AVEN: variants seen among roughly 807,000 people sequenced by gnomAD.
AVEN encodes the protein apoptosis and caspase activation inhibitor, also known as cell death regulator Aven.
A neutral mutation model predicts 38.1 loss-of-function variants in AVEN; 41 were observed. The ratio of observed to expected loss-of-function variants is 1.08; its 90% CI spans 0.84 to 1.40. The LOEUF is 1.40. AVEN is among the 40% of genes most tolerant of loss of function. The pLI, the probability that AVEN is intolerant of heterozygous loss-of-function variation, is 0.00. For synonymous variants in AVEN, 206 were observed against 171.8 expected (o/e 1.20, Z -1.56); for missense variants, 605 against 438.8 (o/e 1.38, Z -3.38).
intron 2 of AVEN, among the ~76,000 whole-genome samples, chr15:34,068,880 C>T (rs1343246069): frequency 2.7e-5 from 4 of 146,746 alleles, no homozygotes; most frequent in Non-Finnish European, 1.5e-5. Context: ...GGCGCAATCT[C>T]GGCTCACTGC....
intron 2 of AVEN, among the ~76,000 whole-genome samples, chr15:33,909,899 C>T (rs1892854179): frequency 6.6e-6 from 1 of 151,528 alleles, no homozygotes; most frequent in Non-Finnish European, 1.5e-5. Flanking sequence ...GAGGCCGAGG[C>T]GGGTGGATCA....
At chr15:34,062,565 A>AAC (rs1900372869) in intron 5 of AVEN, 3 of 677,284 alleles carry the variant, frequency 4.4e-6, no homozygotes, top group Non-Finnish European at 7.0e-6. Context: ...AAAAAAAAAA[A>AAC]AAAAAAAAAC....
intron 5 of AVEN, chr15:34,062,882 C>T (rs77491512): frequency 6.2e-7 from 1 of 1,614,214 alleles, no homozygotes; most frequent in African/African-American, 1.3e-5. Flanking sequence ...TGATCTCCTT[C>T]AAAGTCAACA....
chr15:33,934,265 G>A (rs1270227664), intron 2 of AVEN, among the ~76,000 whole-genome samples: 1 of 152,062 alleles, frequency 6.6e-6, no homozygotes, highest in Non-Finnish European at 1.5e-5. Flanking sequence ...GGAGGCTGAG[G>A]TGGGGGACTC....
Position 33,953,008 on chromosome 15 carries a change from G to A in AVEN, c.445+50024C>T, listed in dbSNP as rs188068439. On this transcript the variant is annotated intron_variant, in intron 2 of 5. Transcript: ENST00000306730. ...TTATACACCAATAACAGACAAGAGA[G>A]CCAAATCATGAGTGAACTCCCATTC... Among the ~76,000 whole-genome samples the A allele has an allele frequency of 3.1e-3, 466 of 152,212 alleles. 1 individual carries two copies. Among genetic ancestry groups the A allele is most frequent in the Admixed American group, 5.5e-3 (84 of 15,282 alleles).
chr15:33,889,470 A>G (rs1397480091), intron 2 of AVEN, among the ~76,000 whole-genome samples: 1 of 152,168 alleles, frequency 6.6e-6, no homozygotes, highest in Non-Finnish European at 1.5e-5. Context: ...TATTAGACTA[A>G]TTAGGACGTC....
intron 2 of AVEN, among the ~76,000 whole-genome samples, chr15:33,948,727 C>CA (rs1239137295): frequency 6.6e-6 from 1 of 152,144 alleles, no homozygotes; most frequent in Non-Finnish European, 1.5e-5. Context: ...GGCTGGAGTG[C>CA]AGTGGCACAA....
chr15:34,030,633 TG>T (rs1898743586), intron 1 of AVEN, among the ~76,000 whole-genome samples: 1 of 150,200 alleles, frequency 6.7e-6, no homozygotes, highest in Non-Finnish European at 1.5e-5. Context: ...CAGCCTGGTT[TG>T]GGGGGTTTTG....
chr15:33,855,016 A>G (rs985297597), downstream of AVEN: 138 of 1,201,820 alleles, frequency 1.1e-4, no homozygotes, highest in Non-Finnish European at 1.5e-4. Context: ...ATGTCTTGGT[A>G]TATAATGTAC....
intron 2 of AVEN, among the ~76,000 whole-genome samples, chr15:33,876,399 G>A (rs112825009): frequency 2.0e-4 from 30 of 151,904 alleles, no homozygotes; most frequent in African/African-American, 6.8e-4. Context: ...TAGTGAAACC[G>A]TGTCTCTACT....
At chr15:34,062,911 A>G (rs1309073991) in intron 5 of AVEN, 1 of 1,614,068 alleles carries the variant, frequency 6.2e-7, no homozygotes, top group Non-Finnish European at 8.5e-7. Flanking sequence ...AAGACAGTTA[A>G]CAACTATTAC....
chr15:34,064,317 AAAGTCAAC>A (rs780734594), intron 4 of AVEN: 223 of 1,609,278 alleles, frequency 1.4e-4, no homozygotes, highest in Non-Finnish European at 1.7e-4. Flanking sequence ...GCTACCCTGA[AAAGTCAAC>A]AACTCCTCTC....
intron 2 of AVEN, among the ~76,000 whole-genome samples, chr15:33,936,652 G>A (rs1012009826): frequency 6.6e-6 from 1 of 152,156 alleles, no homozygotes; most frequent in Non-Finnish European, 1.5e-5. Context: ...GTGTGTGCAT[G>A]AGTGATTTAA....
chr15:33,867,740 T>G lies in AVEN; in HGVS notation c.728A>C (p.Glu243Ala), dbSNP rs61729119. The change falls in exon 5 of 6, where the codon GAG becomes GCG. Residue 243 changes from glutamate to alanine, a missense_variant. Coordinates refer to ENST00000306730, the MANE Select transcript of AVEN (RefSeq NM_020371.3). ...GCAGCCAGCAGCCACAGATTTCAGC[T>G]CAAAGATGGGCCCCCTTCCTCCAGG... ...LGPGGRGPIFELKSVAAGCPV... is the reference protein window; with the variant it reads ...LGPGGRGPIFALKSVAAGCPV... 52,455 of 1,614,104 alleles carry G rather than the reference T, an allele frequency of 0.032. 1,064 individuals carry two copies. The highest frequency in any genetic ancestry group is 0.039 in the Non-Finnish European group (45,780 of 1,180,006).
At chr15:33,995,629 A>G (rs1896901464) in intron 2 of AVEN, among the ~76,000 whole-genome samples, 2 of 152,374 alleles carry the variant, frequency 1.3e-5, no homozygotes, top group Non-Finnish European at 2.9e-5. Context: ...GTTTCTGCTC[A>G]GACATTTTTC....
intron 4 of AVEN, among the ~76,000 whole-genome samples, chr15:33,869,041 C>T (rs1197988910): frequency 6.6e-6 from 1 of 152,096 alleles, no homozygotes; most frequent in Non-Finnish European, 1.5e-5. Flanking sequence ...AGGTCCTGAC[C>T]CCTTATTTTT....
intron 2 of AVEN, among the ~76,000 whole-genome samples, chr15:33,977,742 A>G (rs1895946787): frequency 6.6e-6 from 1 of 152,268 alleles, no homozygotes; most frequent in East Asian, 1.9e-4. Context: ...AGAGCAAGTA[A>G]GTCCTCCCTG....
At chr15:34,051,765 T>A (rs191247811) in intron 5 of AVEN, among the ~76,000 whole-genome samples, 127 of 151,990 alleles carry the variant, frequency 8.4e-4, no homozygotes, top group Non-Finnish European at 1.0e-3. Context: ...CCTGAACACA[T>A]ACACCCTCCC....
At chr15:34,070,291 G>C (rs1193142346) in intron 2 of AVEN, among the ~76,000 whole-genome samples, 1 of 152,020 alleles carries the variant, frequency 6.6e-6, no homozygotes, top group Non-Finnish European at 1.5e-5. Flanking sequence ...TTCAAGATGA[G>C]ATTTGGATGG....
Sources: gnomAD v4.1 joint callset for allele counts (sites outside exome capture counted in the v4.1 genomes callset) on GRCh38, gnomAD v4.1.1 for gene constraint, MANE v1.5 for transcripts, NCBI Gene and HGNC (gene_info 2026-07-23, HGNC 2026-07-21) for gene names.